The following DCBLD1 variants were observed in gnomAD, a reference collection of about 807,000 sequenced individuals.
The protein encoded by DCBLD1 is discoidin, CUB and LCCL domain containing 1.
Under a neutral mutation model 71.5 loss-of-function variants are expected in DCBLD1, and 57 were observed. The ratio of observed to expected loss-of-function variants is 0.80; its 90% CI spans 0.64 to 0.99. The LOEUF (loss-of-function observed/expected upper bound fraction) is 0.99. Among genes scored for constraint, DCBLD1 ranks in the 50% least tolerant of loss-of-function variants. The probability of loss-of-function intolerance (pLI) is 0.00; values close to 1 mark genes in which losing one functional copy is unlikely to be tolerated. For synonymous variants in DCBLD1, 380 were observed against 363.8 expected (o/e 1.04, Z -0.51); for missense variants, 891 against 923.5 (o/e 0.96, Z 0.46).
At chr6:117,530,432 A>G (rs566572609) in intron 5 of DCBLD1, among the ~76,000 whole-genome samples, 1 of 152,300 alleles carries the variant, frequency 6.6e-6, no homozygotes, top group Admixed American at 6.5e-5. Context: ...TGAGAATCTA[A>G]TGCCTTTGCT....
At position 117,548,449 on chromosome 6, in the gene DCBLD1, G is replaced by C. The variant is rs773020182; in HGVS notation, c.*10G>C. On this transcript the variant is annotated 3_prime_UTR_variant, in exon 15 of 15. Coordinates refer to ENST00000338728, the MANE Select transcript of DCBLD1 (RefSeq NM_001366458.2). ...GACTGCCCTTTTGTGAACACAATGT[G>C]AAAGAAGCCTGCTGTGGTACTGAGC... 3.9e-6 allele frequency: 6 copies of C among 1,550,328 alleles called. No homozygotes were observed. In the African/African-American group the frequency reaches 8.2e-5, roughly 21 times the overall value.
At position 117,519,800 on chromosome 6, in the gene DCBLD1, T is replaced by C; in HGVS notation, c.326-16T>C. The C allele has an allele frequency of 1.3e-6, 2 of 1,599,534 alleles. No homozygotes were observed. The highest frequency in any genetic ancestry group is 1.7e-6 in the Non-Finnish European group (2 of 1,167,750). On this transcript the variant is annotated splice_polypyrimidine_tract_variant and intron_variant, in intron 2 of 14. Coordinates refer to ENST00000338728, the MANE Select transcript of DCBLD1 (RefSeq NM_001366458.2). ...TATAAATTTTGAAATGTGCCACAAG[T>C]GTGCTTTGTTTTTAGGTCCATACTG...
intron 2 of DCBLD1, among the ~76,000 whole-genome samples, chr6:117,519,356 A>G (rs929543012): frequency 6.6e-6 from 1 of 152,198 alleles, no homozygotes; most frequent in Non-Finnish European, 1.5e-5. Flanking sequence ...ATCAGTGTGT[A>G]TGCTGCATGT....
rs1779334439 is a variant in DCBLD1 at position 117,548,093 on chromosome 6, C to G, written c.1802C>G (p.Ala601Gly). The G allele has an allele frequency of 3.2e-6, 5 of 1,549,348 alleles. No individual in the cohort carries two copies. The highest frequency in any genetic ancestry group is 4.4e-6 in the Non-Finnish European group (5 of 1,146,400). ...CTGGCGCCCCCGGAGCCCGAGTACG[C>G]CACGCCCATCGTGGAGCGGCACGTG... ...LPLAPPEPEY[A>G]TPIVERHVLR... The change falls in exon 15 of 15, where the codon GCC (alanine) becomes GGC (glycine). Residue 601 changes from alanine (A) to glycine (G), a missense_variant. Transcript: ENST00000338728.
intron 5 of DCBLD1, among the ~76,000 whole-genome samples, chr6:117,528,777 A>C (rs1433519964): frequency 3.9e-5 from 6 of 152,220 alleles, no homozygotes; most frequent in Non-Finnish European, 7.3e-5. Flanking sequence ...TTACTAATTA[A>C]AACCATTTGT....
At chr6:117,520,436 C>T (rs1173921772) in intron 3 of DCBLD1, among the ~76,000 whole-genome samples, 2 of 152,150 alleles carry the variant, frequency 1.3e-5, no homozygotes, top group African/African-American at 2.4e-5. Flanking sequence ...TTGTGTTCCC[C>T]TCCTGACCCT....
rs34912807 is a variant in DCBLD1, at chr6:117,490,093, G to GCACACACACA, written c.112+7222_112+7231dup. On this transcript the variant is annotated intron_variant, in intron 1 of 14. Transcript: ENST00000338728. ...TAGTTCTATATATTTTTATGTAAATGCACACACACACACACACACACACAC... is the reference window on the plus strand; with the variant it reads ...TAGTTCTATATATTTTTATGTAAATGCACACACACACACACACACACACACACACACACAC... Among the ~76,000 whole-genome samples the GCACACACACA allele has an allele frequency of 8.2e-3, 1,210 of 147,290 alleles. 16 individuals carry two copies. The highest frequency in any genetic ancestry group is 0.022 in the Middle Eastern group (6 of 278).
In DCBLD1 at chr6:117,503,968, C is replaced by T. The variant is rs200963990; in HGVS notation, c.314C>T (p.Ser105Leu). The T allele has an allele frequency of 4.1e-5, 66 of 1,613,830 alleles. No individual in the cohort carries two copies. The highest frequency in any genetic ancestry group is 4.9e-5 in the Non-Finnish European group (58 of 1,179,888). The part of the protein sequence containing the change: ...ASDYLLFTSS[S>L]DQYGPYCGSM... ...GACTATCTTCTCTTCACCAGCTCTT[C>T]AGATCAATATGGTAAGAAAAGAGAA... Residue 105 changes from serine to leucine, a missense_variant, in exon 2 of 15, where the codon TCA becomes TTA. By Grantham distance (145) the Ser-to-Leu change is moderately radical. Coordinates refer to ENST00000338728, the MANE Select transcript of DCBLD1 (RefSeq NM_001366458.2).
chr6:117,513,958 A>G (rs1778107917), intron 2 of DCBLD1, among the ~76,000 whole-genome samples: 1 of 152,108 alleles, frequency 6.6e-6, no homozygotes, highest in South Asian at 2.1e-4. Context: ...GTGAGTGGAG[A>G]AAGATTTTCT....
intron 14 of DCBLD1, among the ~76,000 whole-genome samples, chr6:117,565,419 T>A (rs1052847343): frequency 5.9e-5 from 9 of 152,214 alleles, no homozygotes; most frequent in African/African-American, 1.7e-4. Flanking sequence ...ATTTGAAACC[T>A]TATCAGTGAA....
intron 6 of DCBLD1, among the ~76,000 whole-genome samples, chr6:117,534,390 C>G (rs896790831): frequency 6.6e-6 from 1 of 152,142 alleles, no homozygotes; most frequent in African/African-American, 2.4e-5. Flanking sequence ...TAAATGCCAA[C>G]TTGAACTTGA....
At chr6:117,569,351 G>C (rs1392760312) in intron 14 of DCBLD1, among the ~76,000 whole-genome samples, 2 of 152,146 alleles carry the variant, frequency 1.3e-5, no homozygotes, top group Non-Finnish European at 2.9e-5. Flanking sequence ...GAGGGACAGA[G>C]GACTTAAGTA....
intron 14 of DCBLD1, among the ~76,000 whole-genome samples, chr6:117,567,310 C>T (rs1358025615): frequency 6.6e-6 from 1 of 152,040 alleles, no homozygotes; most frequent in Non-Finnish European, 1.5e-5. Flanking sequence ...TAAGAGGATG[C>T]TTAATTATTA....
At chr6:117,507,347 G>A (rs1777876659) in intron 2 of DCBLD1, among the ~76,000 whole-genome samples, 1 of 152,140 alleles carries the variant, frequency 6.6e-6, no homozygotes, top group Non-Finnish European at 1.5e-5. Context: ...ATATGCACTT[G>A]ATCTCACTGT....
intron 14 of DCBLD1, among the ~76,000 whole-genome samples, chr6:117,564,999 G>C (rs1301909184): frequency 2.6e-5 from 4 of 152,088 alleles, no homozygotes; most frequent in Admixed American, 2.6e-4. Flanking sequence ...AAGCATTGAG[G>C]ACTCCAAGAA....
At chr6:117,490,972 T>C (rs1246869068) in intron 1 of DCBLD1, among the ~76,000 whole-genome samples, 2 of 152,194 alleles carry the variant, frequency 1.3e-5, no homozygotes, top group Non-Finnish European at 2.9e-5. Context: ...ATTTCACTAT[T>C]ATTTCTGACA....
chr6:117,511,534 CTGTTAA>C (rs201147956), intron 2 of DCBLD1, among the ~76,000 whole-genome samples: 1,656 of 152,188 alleles, frequency 0.011, 23 homozygotes, highest in Admixed American at 0.017. Flanking sequence ...GTGAAGTCAA[CTGTTAA>C]TGTTTATGTT....
At position 117,522,858 on chromosome 6, in the gene DCBLD1, A is replaced by G. The variant is rs767430975; in HGVS notation, c.512+1282A>G. ...ATCCTAAAAACCAAAGTACAAACCA[A>G]TTAAGACTTGCTGAGGGCTACACAC... On this transcript the variant is annotated intron_variant, in intron 4 of 14. Transcript: ENST00000338728. Among the ~76,000 whole-genome samples the G allele has an allele frequency of 7.2e-5, 11 of 152,278 alleles. No individual in the cohort carries two copies. In the East Asian group the frequency reaches 1.2e-3, roughly 16 times the overall value.
chr6:117,538,921 A>G lies in DCBLD1; in HGVS notation c.976+86A>G, dbSNP rs1028557719. Reference sequence around the variant, plus strand: ...AGTTGAAAATACGCTTATTGTTTACATAGGTGCTTCTCTACCTACCTCCAA... The same window carrying G: ...AGTTGAAAATACGCTTATTGTTTACGTAGGTGCTTCTCTACCTACCTCCAA... On this transcript the variant is annotated intron_variant, in intron 8 of 14. Coordinates refer to ENST00000338728, the MANE Select transcript of DCBLD1 (RefSeq NM_001366458.2). 1.1e-5 allele frequency: 15 copies of G among 1,357,066 alleles called. No homozygotes were observed. In the African/African-American group the frequency reaches 1.5e-4, roughly 13 times the overall value. 84.1% of individuals were successfully genotyped at this position (1,357,066 alleles called of 1,614,324 possible).
Sources: gnomAD v4.1 joint callset for allele counts (sites outside exome capture counted in the v4.1 genomes callset) on GRCh38, gnomAD v4.1.1 for gene constraint, MANE v1.5 for transcripts, NCBI Gene and HGNC (gene_info 2026-07-23, HGNC 2026-07-21) for gene names.